The following PTPRK variants were observed in gnomAD, a reference collection of about 807,000 sequenced individuals.
PTPRK encodes the protein protein tyrosine phosphatase receptor type K.
Under a neutral mutation model 178.0 loss-of-function variants are expected in PTPRK, and 75 were observed. The ratio of observed to expected loss-of-function variants is 0.42; its 90% confidence interval spans 0.35 to 0.51. PTPRK has a LOEUF of 0.51. Ranked by LOEUF, PTPRK falls within the 20% of genes least tolerant of loss-of-function variation. The probability of loss-of-function intolerance (pLI) is 0.02; values close to 1 mark genes in which losing one functional copy is unlikely to be tolerated. For synonymous variants in PTPRK, 637 were observed against 620.6 expected (o/e 1.03, Z -0.39); for missense variants, 1,441 against 1,797.8 (o/e 0.80, Z 3.59).
At chr6:128,207,824 T>G (rs1807248862) in intron 6 of PTPRK, among the ~76,000 whole-genome samples, 1 of 152,156 alleles carries the variant, frequency 6.6e-6, no homozygotes, top group Admixed American at 6.6e-5. Flanking sequence ...TTTCCCCTTT[T>G]CACTGACGCT....
intron 6 of PTPRK, among the ~76,000 whole-genome samples, chr6:128,198,299 C>A (rs965220943): frequency 1.3e-5 from 2 of 152,188 alleles, no homozygotes; most frequent in Admixed American, 6.5e-5. Flanking sequence ...GATCTGTCCC[C>A]TGCTCATCTG....
At chr6:128,416,347 G>A (rs1272905738) in intron 1 of PTPRK, among the ~76,000 whole-genome samples, 1 of 151,728 alleles carries the variant, frequency 6.6e-6, no homozygotes, top group Non-Finnish European at 1.5e-5. Flanking sequence ...ACTAAGATAA[G>A]AACTGGAGAG....
At chr6:128,321,902 C>T (rs549271224) in intron 3 of PTPRK, 137 bp downstream of exon 3, 1 of 1,124,808 alleles carries the variant, frequency 8.9e-7, no homozygotes, top group African/African-American at 1.5e-5. Context: ...ATGTATGACA[C>T]TTCCCCAATA....
intron 6 of PTPRK, among the ~76,000 whole-genome samples, chr6:128,203,760 C>G (rs909569679): frequency 6.6e-6 from 1 of 152,080 alleles, no homozygotes; most frequent in African/African-American, 2.4e-5. Context: ...AACCACTCCT[C>G]CAAGAAATCA....
At chr6:128,060,884 G>A (rs897540174) in intron 13 of PTPRK, among the ~76,000 whole-genome samples, 1 of 152,102 alleles carries the variant, frequency 6.6e-6, no homozygotes, top group African/African-American at 2.4e-5. Context: ...TAATAAATTT[G>A]TCTTAACTCA....
rs3892307 is a variant in PTPRK at position 127,977,133 on chromosome 6, T to G, written c.3712-79A>C. 3.1e-3 allele frequency: 4,314 copies of G among 1,412,356 alleles called. 98 individuals carry two copies. The African/African-American group carries it at 0.053, about 17-fold the overall frequency. 87.5% of individuals were successfully genotyped at this position (1,412,356 alleles called of 1,614,324 possible). Reference sequence around the variant, plus strand: ...GTTGTACAAACAGATACAATACACTTCAATGTAGGACCAGTAAGATGCAAT... The same window carrying G: ...GTTGTACAAACAGATACAATACACTGCAATGTAGGACCAGTAAGATGCAAT... On this transcript the variant is annotated intron_variant, in intron 25 of 29. Coordinates refer to ENST00000368226, the MANE Select transcript of PTPRK (RefSeq NM_002844.4).
chr6:128,515,452 A>G (rs1324512487), intron 1 of PTPRK, among the ~76,000 whole-genome samples: 1 of 152,204 alleles, frequency 6.6e-6, no homozygotes, highest in Non-Finnish European at 1.5e-5. Context: ...AAGCAATTAC[A>G]ACCTTTTTAG....
chr6:128,218,797 A>G, intron 6 of PTPRK, 125 bp downstream of exon 6: 1 of 876,646 alleles, frequency 1.1e-6, no homozygotes, highest in East Asian at 2.6e-5. Context: ...GTATGATGAT[A>G]TATTTTTTAT....
At chr6:128,149,172 G>T (rs1489422870) in intron 7 of PTPRK, among the ~76,000 whole-genome samples, 1 of 119,276 alleles carries the variant, frequency 8.4e-6, no homozygotes, top group Non-Finnish European at 1.7e-5. Flanking sequence ...GTCGTGGGGT[G>T]GGGGGAGGGG....
rs567828079 is a variant in PTPRK, at chr6:128,226,529, G to A, written c.694-7433C>T. 2.6e-5 allele frequency among the ~76,000 whole-genome samples: 4 copies of A among 151,910 alleles called. No homozygotes were observed. The East Asian group carries it at 5.8e-4, about 22-fold the overall frequency. ...CTGAGTGGACTGGATTGAATCAGTTGAAAGGCTTTAAGACCAGGGGTGAGG... is the reference window on the plus strand; with the variant it reads ...CTGAGTGGACTGGATTGAATCAGTTAAAAGGCTTTAAGACCAGGGGTGAGG... On this transcript the variant is annotated intron_variant, in intron 5 of 29. Transcript: ENST00000368226.
At chr6:128,362,899 G>A (rs1289255441) in intron 2 of PTPRK, among the ~76,000 whole-genome samples, 1 of 152,100 alleles carries the variant, frequency 6.6e-6, no homozygotes, top group Non-Finnish European at 1.5e-5. Flanking sequence ...AGATGTCTAT[G>A]TGCCAATGAC....
At chr6:128,283,078 C>G (rs1004690173) in intron 3 of PTPRK, among the ~76,000 whole-genome samples, 3 of 152,122 alleles carry the variant, frequency 2.0e-5, no homozygotes, top group African/African-American at 4.8e-5. Flanking sequence ...CATGCTTTCC[C>G]GCAGCAAAGT....
At chr6:128,258,329 AAT>A (rs1817653459) in intron 3 of PTPRK, among the ~76,000 whole-genome samples, 1 of 152,170 alleles carries the variant, frequency 6.6e-6, no homozygotes, top group African/African-American at 2.4e-5. Context: ...AAAAGATCAA[AAT>A]ATGTTACATA....
intron 1 of PTPRK, among the ~76,000 whole-genome samples, chr6:128,498,428 A>T (rs776821903): frequency 7.2e-5 from 11 of 152,234 alleles, no homozygotes; most frequent in Non-Finnish European, 1.5e-4. Flanking sequence ...TCAGTTCAAT[A>T]AACAGCACTT....
chr6:128,117,904 C>T (rs1410635833), intron 7 of PTPRK, among the ~76,000 whole-genome samples: 6 of 152,110 alleles, frequency 3.9e-5, no homozygotes, highest in Admixed American at 6.5e-5. Flanking sequence ...CCACCCACGT[C>T]GGCCAAAGTG....
At chr6:128,130,533 A>G (rs965939492) in intron 7 of PTPRK, among the ~76,000 whole-genome samples, 12 of 152,178 alleles carry the variant, frequency 7.9e-5, no homozygotes, top group African/African-American at 2.7e-4. Context: ...ACAGTCCACT[A>G]TCTACACATT....
At chr6:128,323,158 C>T (rs1829061616) in intron 2 of PTPRK, among the ~76,000 whole-genome samples, 1 of 151,870 alleles carries the variant, frequency 6.6e-6, no homozygotes, top group African/African-American at 2.4e-5. Context: ...ACATAGAGTC[C>T]CACTCTCATA....
chr6:128,519,254 C>T lies in PTPRK; in HGVS notation c.100+1005G>A. ...ACTTCAGAGCCCCCAGAGGAGAGAA[C>T]GAAAGAAGCAACCAACCTACACGAA... On this transcript the variant is annotated intron_variant, in intron 1 of 29. Transcript: ENST00000368226. The surrounding 1 kb of genome is among the most constrained non-coding windows in gnomAD (Gnocchi z 4.3). The T allele has an allele frequency of 2.6e-6, 1 of 384,032 alleles. No homozygotes were observed. The highest frequency in any genetic ancestry group is 5.1e-6 in the Non-Finnish European group (1 of 195,330). 23.8% of individuals were successfully genotyped at this position (384,032 alleles called of 1,614,324 possible).
intron 7 of PTPRK, among the ~76,000 whole-genome samples, chr6:128,110,878 C>G (rs144060312): frequency 7.0e-4 from 106 of 152,234 alleles, no homozygotes; most frequent in African/African-American, 2.5e-3. Context: ...ACATTCCTTG[C>G]TGACACAAAT....
Sources: allele counts gnomAD v4.1 joint callset (sites outside exome capture counted in the v4.1 genomes callset), GRCh38; gene constraint gnomAD v4.1.1; non-coding constraint Gnocchi (gnomAD v3.1); transcripts MANE v1.5; gene names NCBI Gene and HGNC (gene_info 2026-07-23, HGNC 2026-07-21).